The following SIN3A variants were observed in gnomAD, a reference collection of about 807,000 sequenced individuals.
The protein encoded by SIN3A is SIN3 transcription regulator family member A.
A neutral mutation model predicts 146.1 loss-of-function variants in SIN3A; 14 were observed. The ratio of observed to expected loss-of-function variants is 0.10; its 90% CI spans 0.06 to 0.15. The LOEUF (loss-of-function observed/expected upper bound fraction) is 0.15, where lower values mean the gene tolerates loss of function less well. Ranked by LOEUF, SIN3A falls within the 10% of genes least tolerant of loss-of-function variation. The pLI is 1.00. For synonymous variants in SIN3A, 572 were observed against 572.0 expected (o/e 1.00, Z 0.00); for missense variants, 1,028 against 1,576.0 (o/e 0.65, Z 5.89).
intron 12 of SIN3A, among the ~76,000 whole-genome samples, chr15:75,397,009 C>A (rs1337034716): frequency 1.3e-5 from 2 of 152,154 alleles, no homozygotes; most frequent in Non-Finnish European, 2.9e-5. Context: ...TATTCAAATA[C>A]TTAAATATTC....
intron 8 of SIN3A, among the ~76,000 whole-genome samples, chr15:75,409,600 G>T (rs954823411): frequency 3.3e-5 from 5 of 151,570 alleles, no homozygotes; most frequent in Admixed American, 2.0e-4. Context: ...GGTGGCATGC[G>T]CCTGTAGTCC....
rs535426255 is a variant in SIN3A, at chr15:75,440,020, G to A, written c.-33-9612C>T. Among the ~76,000 whole-genome samples, 10 of 151,354 alleles carry A rather than the reference G, an allele frequency of 6.6e-5. No individual in the cohort carries two copies. In the East Asian group the frequency reaches 1.4e-3, roughly 21 times the overall value. ...ACAAAAATTAGCTGGGCGTGGTAGC[G>A]GGCGCCTGTAATCCCAGCAACTTTG... On this transcript the variant is annotated intron_variant, in intron 1 of 20. Transcript: ENST00000394947.
At chr15:75,383,403 G>T (rs1305242872) in intron 17 of SIN3A, among the ~76,000 whole-genome samples, 2 of 152,036 alleles carry the variant, frequency 1.3e-5, no homozygotes, top group Non-Finnish European at 2.9e-5. Flanking sequence ...ATTCTAAGGT[G>T]ACTTTTTTTG....
chr15:75,417,378 C>CTT (rs34223540), intron 3 of SIN3A, among the ~76,000 whole-genome samples: 34 of 140,898 alleles, frequency 2.4e-4, no homozygotes, highest in African/African-American at 7.0e-4. Flanking sequence ...CAGTCTTTTT[C>CTT]TTTTTTTTTT....
At chr15:75,451,178 C>T (rs1484641324) in intron 1 of SIN3A, among the ~76,000 whole-genome samples, 2 of 151,016 alleles carry the variant, frequency 1.3e-5, no homozygotes, top group African/African-American at 2.4e-5. Context: ...CCGGCCCCGC[C>T]TCTGAGCGGC....
intron 10 of SIN3A, among the ~76,000 whole-genome samples, chr15:75,401,622 G>A (rs910752559): frequency 3.3e-5 from 5 of 152,190 alleles, no homozygotes; most frequent in Non-Finnish European, 5.9e-5. Context: ...CTGGTTAGAA[G>A]ATCAGGAGAC....
rs75296316 is a variant in SIN3A, at chr15:75,412,958, G to A, written c.561C>T (p.Pro187=). 272 of 1,614,078 alleles carry A rather than the reference G, an allele frequency of 1.7e-4. No homozygotes were observed. In the East Asian group the frequency reaches 5.9e-3, roughly 35 times the overall value. The change falls in exon 5 of 21, where the codon CCC becomes CCT. Residue 187 remains proline, a synonymous_variant. Coordinates refer to ENST00000394947, the MANE Select transcript of SIN3A (RefSeq NM_001145358.2). ...TTTGCACCTCAATTTTGTAGCCAGG[G>A]GGCAAGAAGGTGTTGAATCCCATTA... The part of the protein sequence containing the change: ...DLIMGFNTFL[P]PGYKIEVQTN...
At chr15:75,406,400 G>A (rs1250913034) in intron 9 of SIN3A, among the ~76,000 whole-genome samples, 1 of 152,202 alleles carries the variant, frequency 6.6e-6, no homozygotes, top group African/African-American at 2.4e-5. Context: ...AAGATTACAA[G>A]TCATCGGCCA....
rs1285796345 is a variant in SIN3A, at chr15:75,400,744, G to A, written c.1723C>T (p.Pro575Ser). ...YQQPKCTGRT[P>S]LCKEVLNDTW... ...GAAGGCCTTACCTCTTTACAGAGAG[G>A]AGTCCGTCCTGTACACTTGGGCTGC... The change falls in exon 11 of 21, where the codon CCT becomes TCT. Residue 575 changes from proline (P) to serine (S), a missense_variant. Pro to Ser is a moderately conservative substitution (Grantham distance 74). Transcript: ENST00000394947. The A allele has an allele frequency of 1.2e-6, 2 of 1,613,596 alleles. No homozygotes were observed. Among genetic ancestry groups the A allele is most frequent in the East Asian group, 2.2e-5 (1 of 44,882 alleles).
rs2072754867 is a variant in SIN3A at position 75,371,729 on chromosome 15, C to CA, written c.*249_*250insT. 1 of 479,046 alleles carries CA rather than the reference C, an allele frequency of 2.1e-6. No individual in the cohort carries two copies. Among genetic ancestry groups the CA allele is most frequent in the African/African-American group, 2.0e-5 (1 of 50,816 alleles). 29.7% of individuals were successfully genotyped at this position (479,046 alleles called of 1,614,324 possible). A position where few individuals can be genotyped will look rare whatever the true frequency, so the allele number is the denominator to read the frequency against. On this transcript the variant is annotated 3_prime_UTR_variant, in exon 21 of 21. Coordinates refer to ENST00000394947, the MANE Select transcript of SIN3A (RefSeq NM_001145358.2). ...TCTTTGCTTGCATGGACTTCCTTCC[C>CA]CTCCAGGGCAGGCTATACCCAAAAC...
intron 1 of SIN3A, among the ~76,000 whole-genome samples, chr15:75,432,706 ATTATAG>A: frequency 6.7e-6 from 1 of 149,384 alleles, no homozygotes; most frequent in East Asian, 2.0e-4. Flanking sequence ...AAAAAAAAAA[ATTATAG>A]AAATGTTATG....
chr15:75,401,857 G>C lies in SIN3A; in HGVS notation c.1521C>G (p.Phe507Leu), dbSNP rs1187605051. 1.3e-6 allele frequency: 2 copies of C among 1,592,600 alleles called. No homozygotes were observed. Among genetic ancestry groups the C allele is most frequent in the South Asian group, 2.2e-5 (2 of 90,668 alleles). The change falls in exon 10 of 21, where the codon TTC becomes TTG. Residue 507 changes from phenylalanine (F) to leucine (L), a missense_variant. This residue lies in a region of SIN3A where 157 missense variants were observed against 284.8 expected (regional missense o/e 0.55). Coordinates refer to ENST00000394947, the MANE Select transcript of SIN3A (RefSeq NM_001145358.2). The part of the protein sequence containing the change: ...RAELVQLVSP[F>L]LGKFPELFNW... Reference sequence around the variant, plus strand: ...AAGCCCCTCACTTCACTTACCCCAGGAAAGGAGAGACTAGTTGCACAAGCT... The same window carrying C: ...AAGCCCCTCACTTCACTTACCCCAGCAAAGGAGAGACTAGTTGCACAAGCT...
chr15:75,390,338 A>G (rs1464411137), intron 15 of SIN3A, among the ~76,000 whole-genome samples: 1 of 152,254 alleles, frequency 6.6e-6, no homozygotes, highest in Admixed American at 6.5e-5. Flanking sequence ...TCCTTTATGA[A>G]TAATGAAGTA....
At chr15:75,446,365 C>T (rs1054576223) in intron 1 of SIN3A, 4 of 148,784 alleles carry the variant, frequency 2.7e-5, no homozygotes, top group Non-Finnish European at 5.9e-5. Flanking sequence ...ATGTGCTTGA[C>T]ATGTTCCAAA....
intron 5 of SIN3A, 55 bp from the exon 6 acceptor site, chr15:75,411,798 G>A: frequency 1.3e-6 from 2 of 1,508,582 alleles, no homozygotes; most frequent in South Asian, 1.4e-5. Flanking sequence ...GTTGATACAA[G>A]GAAAGTTCAA....
intron 2 of SIN3A, among the ~76,000 whole-genome samples, chr15:75,428,575 CTG>C (rs2073964667): frequency 6.6e-6 from 1 of 152,198 alleles, no homozygotes. Context: ...AGCATATTCA[CTG>C]GAGCCTCAAC....
chr15:75,433,144 G>A (rs2074043041), intron 1 of SIN3A, among the ~76,000 whole-genome samples: 2 of 152,164 alleles, frequency 1.3e-5, no homozygotes, highest in Non-Finnish European at 2.9e-5. Context: ...TTAAGAACTG[G>A]ATTCTGTTGG....
At chr15:75,392,847 G>T in intron 14 of SIN3A, 32 bp from the exon 15 acceptor site, 2 of 1,477,696 alleles carry the variant, frequency 1.4e-6, no homozygotes, top group South Asian at 1.2e-5. Flanking sequence ...AGTATTCTGT[G>T]AGATGTCTAC....
chr15:75,452,509 C>T (rs1057131570), upstream of SIN3A, among the ~76,000 whole-genome samples: 8 of 152,252 alleles, frequency 5.3e-5, no homozygotes, highest in Admixed American at 5.2e-4. Context: ...CACACTGCGT[C>T]CTTGTAAACA....
Sources: gnomAD v4.1 joint callset for allele counts (sites outside exome capture counted in the v4.1 genomes callset) on GRCh38, gnomAD v4.1.1 for gene constraint, gnomAD v4.1.1 regional missense constraint, MANE v1.5 for transcripts, NCBI Gene and HGNC (gene_info 2026-07-23, HGNC 2026-07-21) for gene names.